Variants in NOD1 observed in about 807,000 individuals in gnomAD.
NOD1 encodes the protein nucleotide binding oligomerization domain containing 1, also known as nucleotide-binding oligomerization domain-containing protein 1.
Under a neutral mutation model 81.2 loss-of-function variants are expected in NOD1, and 70 were observed. The ratio of observed to expected loss-of-function variants is 0.86; its 90% CI spans 0.71 to 1.05. The LOEUF (loss-of-function observed/expected upper bound fraction) is 1.05, where lower values mean the gene tolerates loss of function less well. Among genes scored for constraint, NOD1 ranks in the 50% least tolerant of loss-of-function variants. The pLI, the probability that NOD1 is intolerant of heterozygous loss-of-function variation, is 0.00. For synonymous variants in NOD1, 508 were observed against 526.9 expected, an observed-to-expected ratio of 0.96 and a Z score of 0.49; for missense variants, 1,233 against 1,228.0, an observed-to-expected ratio of 1.00 and a Z score of -0.06.
chr7:30,433,140 A>AC lies in NOD1; in HGVS notation c.2660dup (p.Ser887ArgfsTer25), dbSNP rs1562655238. 6.2e-7 allele frequency: 1 copy of AC among 1,614,118 alleles called. No individual in the cohort carries two copies. The highest frequency in any genetic ancestry group is 8.5e-7 in the Non-Finnish European group (1 of 1,179,982). On this transcript the variant is annotated frameshift_variant, in exon 12 of 14. Transcript: ENST00000222823. LOFTEE classifies it high-confidence loss of function. ...GGTTGACTTTCAACATTTCTGCCAA[A>AC]CTCTCTGCCACTTCATCGTTGAGTT...
At position 30,477,307 on chromosome 7, in the gene NOD1, C is replaced by T. The variant is rs556492154; in HGVS notation, c.-352+1299G>A. 5.9e-5 allele frequency among the ~76,000 whole-genome samples: 9 copies of T among 152,330 alleles called. No individual in the cohort carries two copies. The South Asian group carries it at 1.9e-3, about 32-fold the overall frequency. On this transcript the variant is annotated intron_variant, in intron 1 of 13. Coordinates refer to ENST00000222823, the MANE Select transcript of NOD1 (RefSeq NM_006092.4). ...GGTAGAAGTCTGTACTTTGTCAATG[C>T]CTGGTTTGCCTGGATTTCAGCTACC...
At position 30,425,380 on chromosome 7, in the gene NOD1, A is replaced by G. The variant is rs1783356754; in HGVS notation, c.*258T>C. On this transcript the variant is annotated 3_prime_UTR_variant, in exon 14 of 14. Transcript: ENST00000222823. ...TAAAAATAATTATAATAGGCAATAA[A>G]GTCTCTTCACAGTGTATTTACTGTA... The G allele has an allele frequency of 4.1e-6, 2 of 487,520 alleles. No individual in the cohort carries two copies. The highest frequency in any genetic ancestry group is 2.9e-5 in the South Asian group (1 of 35,024). 30.2% of individuals were successfully genotyped at this position (487,520 alleles called of 1,614,324 possible). A position where few individuals can be genotyped will look rare whatever the true frequency, so the allele number is the denominator to read the frequency against.
rs189064161 is a variant in NOD1, at chr7:30,434,692, C to T, written c.2621+1306G>A. Reference sequence around the variant, plus strand: ...GGAACTTTAGGAGGTACTTTCATGTCCTCCTTTAGTGTCTTACATTTTTTC... The same window carrying T: ...GGAACTTTAGGAGGTACTTTCATGTTCTCCTTTAGTGTCTTACATTTTTTC... On this transcript the variant is annotated intron_variant, in intron 11 of 13. Transcript: ENST00000222823. Among the ~76,000 whole-genome samples, 131 of 152,316 alleles carry T rather than the reference C, an allele frequency of 8.6e-4. 1 individual carries two copies. The Middle Eastern group carries it at 0.017, about 20-fold the overall frequency.
At chr7:30,425,783 T>G in intron 13 of NOD1, 73 bp from the exon 14 acceptor site, 1 of 998,150 alleles carries the variant, frequency 1.0e-6, no homozygotes. Context: ...TCCCAAGGTG[T>G]GTTCATAGCA....
intron 7 of NOD1, 81 bp downstream of exon 7, chr7:30,448,217 A>T: frequency 8.5e-7 from 1 of 1,182,486 alleles, no homozygotes; most frequent in Non-Finnish European, 1.3e-6. Flanking sequence ...CCGATCATCC[A>T]GGGACCTATG....
At chr7:30,446,087 G>A (rs766286257) in intron 9 of NOD1, 54 bp downstream of exon 9, 7 of 1,303,216 alleles carry the variant, frequency 5.4e-6, no homozygotes, top group South Asian at 2.4e-5. Flanking sequence ...AGCAAGGCCC[G>A]CCCCCCACAC....
rs143683154 is a variant in NOD1, at chr7:30,452,037, C to G, written c.1380G>C (p.Leu460=). Residue 460 remains leucine (L), a synonymous_variant, in exon 6 of 14, where the codon CTG becomes CTC. Transcript: ENST00000222823. ...GGTGGGCCACCTGCCCCAGCGAGCACAGAGTGTCCCGGCCGGCGTGGAGGG... is the reference window on the plus strand; with the variant it reads ...GGTGGGCCACCTGCCCCAGCGAGCAGAGAGTGTCCCGGCCGGCGTGGAGGG... ...VETLHAGRDT[L]CSLGQVAHRG... 165 of 1,613,422 alleles carry G rather than the reference C, an allele frequency of 1.0e-4. No homozygotes were observed. Among genetic ancestry groups the G allele is most frequent in the Non-Finnish European group, 1.3e-4 (152 of 1,179,982 alleles).
At chr7:30,448,023 C>T (rs1192613854) in intron 7 of NOD1, 17 of 414,766 alleles carry the variant, frequency 4.1e-5, no homozygotes, top group Non-Finnish European at 3.5e-5. Flanking sequence ...TTAAATATAT[C>T]CCCTTATATT....
rs528315633 is a variant in NOD1, at chr7:30,450,323, C to G, written c.2201+893G>C. ...TTTTCCAATTCCCAGGCTAGGGCAGCCTTCGACCCCCTGCACCCCATGTCC... is the reference window on the plus strand; with the variant it reads ...TTTTCCAATTCCCAGGCTAGGGCAGGCTTCGACCCCCTGCACCCCATGTCC... On this transcript the variant is annotated intron_variant, in intron 6 of 13. Transcript: ENST00000222823. Among the ~76,000 whole-genome samples, 48 of 152,274 alleles carry G rather than the reference C, an allele frequency of 3.2e-4. No individual in the cohort carries two copies. The South Asian group carries it at 9.7e-3, about 31-fold the overall frequency.
At chr7:30,427,877 C>T (rs988694784) in intron 13 of NOD1, among the ~76,000 whole-genome samples, 4 of 152,206 alleles carry the variant, frequency 2.6e-5, no homozygotes, top group Admixed American at 1.3e-4. Context: ...TGGCAGTCTC[C>T]TTCCTCTCCC....
Position 30,425,730 on chromosome 7 carries a change from C to A in NOD1, c.2790-20G>T. On this transcript the variant is annotated intron_variant, in intron 13 of 13. Coordinates refer to ENST00000222823, the MANE Select transcript of NOD1 (RefSeq NM_006092.4). ...TTTAGGCTGTTGAAAAGGAGGAAGA[C>A]AAAAGTACACAGGTAAAATGTTAAG... 6.4e-7 allele frequency: 1 copy of A among 1,556,012 alleles called. No individual in the cohort carries two copies. Among genetic ancestry groups the A allele is most frequent in the Non-Finnish European group, 8.9e-7 (1 of 1,126,868 alleles).
intron 11 of NOD1, 31 bp from the exon 12 acceptor site, chr7:30,433,210 G>T: frequency 1.3e-6 from 2 of 1,542,414 alleles, no homozygotes; most frequent in Non-Finnish European, 1.8e-6. Flanking sequence ...ATTTACTCAA[G>T]AGAGCCTACT....
intron 1 of NOD1, among the ~76,000 whole-genome samples, chr7:30,469,396 C>T (rs1562717713): frequency 1.3e-5 from 2 of 152,150 alleles, no homozygotes; most frequent in African/African-American, 4.8e-5. Context: ...CGGCTTCCTT[C>T]CCCTCCCTAC....
At chr7:30,446,304 C>A (rs1785078626) in intron 8 of NOD1, 80 bp from the exon 9 acceptor site, 1 of 972,700 alleles carries the variant, frequency 1.0e-6, no homozygotes. Context: ...CAGCACAGAG[C>A]CCCTTCCAGC....
At position 30,452,778 on chromosome 7, in the gene NOD1, C is replaced by T; in HGVS notation, c.639G>A (p.Gln213=). The change falls in exon 6 of 14, where the codon CAG becomes CAA. Residue 213 remains glutamine, a synonymous_variant. Transcript: ENST00000222823. ...DAGVGKSMLL[Q]RLQSLWATGR... is the part of the protein sequence containing the mutation. ...CCGTGGCCCAGAGGCTCTGCAGCCG[C>T]TGTAGCAGCATGGACTTGCCCACCC... 1 of 1,614,148 alleles carries T rather than the reference C, an allele frequency of 6.2e-7. No homozygotes were observed. The highest frequency in any genetic ancestry group is 1.3e-5 in the African/African-American group (1 of 75,070).
At chr7:30,434,822 A>G (rs1784247142) in intron 11 of NOD1, among the ~76,000 whole-genome samples, 1 of 152,234 alleles carries the variant, frequency 6.6e-6, no homozygotes. Flanking sequence ...CTCTCTCATG[A>G]AGAGGATATT....
At chr7:30,458,423 C>T (rs1215326452) in intron 3 of NOD1, among the ~76,000 whole-genome samples, 6 of 152,132 alleles carry the variant, frequency 3.9e-5, no homozygotes, top group Non-Finnish European at 5.9e-5. Flanking sequence ...TCTTTTAACA[C>T]TATCCACATC....
chr7:30,462,742 A>T (rs1787245878), intron 1 of NOD1, among the ~76,000 whole-genome samples: 1 of 152,120 alleles, frequency 6.6e-6, no homozygotes, highest in Admixed American at 6.5e-5. Flanking sequence ...TGAGGCCAGG[A>T]GTTCGAGACC....
At chr7:30,470,196 T>A (rs1788124507) in intron 1 of NOD1, among the ~76,000 whole-genome samples, 1 of 152,254 alleles carries the variant, frequency 6.6e-6, no homozygotes, top group Non-Finnish European at 1.5e-5. Context: ...TAAGTACAGA[T>A]AATAACTGCA....
Sources: allele counts gnomAD v4.1 joint callset (sites outside exome capture counted in the v4.1 genomes callset), GRCh38; gene constraint gnomAD v4.1.1; transcripts MANE v1.5; gene names NCBI Gene and HGNC (gene_info 2026-07-23, HGNC 2026-07-21).